Variants in RPS6KA2 observed in about 807,000 individuals in gnomAD.
The protein encoded by RPS6KA2 is ribosomal protein S6 kinase A2, also known as ribosomal protein S6 kinase alpha-2.
A neutral mutation model predicts 91.8 loss-of-function variants in RPS6KA2; 42 were observed. The ratio of observed to expected loss-of-function variants is 0.46; its 90% CI spans 0.36 to 0.59. The LOEUF (loss-of-function observed/expected upper bound fraction) is 0.59. Ranked by LOEUF, RPS6KA2 falls within the 20% of genes least tolerant of loss-of-function variation. The pLI is 0.00. For synonymous variants in RPS6KA2, 414 were observed against 393.6 expected (o/e 1.05, Z -0.61); for missense variants, 798 against 978.5 (o/e 0.82, Z 2.46).
chr6:166,715,633 C>T (rs1387791975), intron 2 of RPS6KA2, among the ~76,000 whole-genome samples: 1 of 151,016 alleles, frequency 6.6e-6, no homozygotes, highest in Non-Finnish European at 1.5e-5. Flanking sequence ...AGTGCCCTGG[C>T]ACACACCGAG....
chr6:166,469,689 T>C (rs1382132787), intron 11 of RPS6KA2, 152 bp downstream of exon 11: 13 of 741,512 alleles, frequency 1.8e-5, no homozygotes, highest in Non-Finnish European at 2.9e-5. Context: ...AGCAGGGTCC[T>C]GGGGGCTCCC....
In RPS6KA2 at chr6:166,543,290, C is replaced by T. The variant is rs185030164; in HGVS notation, c.100-4506G>A. ...AGTATCGTGTCCTGGAGGTTCTGAA[C>T]GTATGAATGTTCTATGTTGCCCACC... On this transcript the variant is annotated intron_variant, in intron 1 of 20. Transcript: ENST00000265678. Among the ~76,000 whole-genome samples, 227 of 152,310 alleles carry T rather than the reference C, an allele frequency of 1.5e-3. 2 individuals are homozygous for T. The highest frequency in any genetic ancestry group is 3.1e-3 in the African/African-American group (130 of 41,564).
At chr6:166,710,948 G>A (rs1375761973) in intron 2 of RPS6KA2, among the ~76,000 whole-genome samples, 1 of 152,176 alleles carries the variant, frequency 6.6e-6, no homozygotes, top group East Asian at 1.9e-4. Flanking sequence ...GATGATAACT[G>A]CTCTACTTTA....
intron 10 of RPS6KA2, among the ~76,000 whole-genome samples, chr6:166,476,126 C>T (rs1364005920): frequency 6.6e-6 from 1 of 152,162 alleles, no homozygotes; most frequent in Non-Finnish European, 1.5e-5. Flanking sequence ...GAAATTTGGA[C>T]ACAGACCCAC....
intron 2 of RPS6KA2, among the ~76,000 whole-genome samples, chr6:166,653,532 C>G (rs1022105366): frequency 1.2e-4 from 18 of 152,192 alleles, no homozygotes; most frequent in African/African-American, 4.1e-4. Flanking sequence ...ATCACCTTCT[C>G]TTCCCAGAAA....
exon 1 of RPS6KA2, chr6:166,862,301 G>A (rs1212970168): frequency 1.3e-6 from 2 of 1,560,668 alleles, no homozygotes; most frequent in South Asian, 2.3e-5. Context: ...GGCGGGTGGC[G>A]GCGATGGAGA....
intron 1 of RPS6KA2, among the ~76,000 whole-genome samples, chr6:166,602,362 G>A (rs373958812): frequency 7.2e-5 from 11 of 152,294 alleles, no homozygotes; most frequent in African/African-American, 1.9e-4. Flanking sequence ...GTATATACCC[G>A]AGAGAACCTC....
At chr6:166,631,980 C>T (rs1285465401), upstream of RPS6KA2, among the ~76,000 whole-genome samples, 1 of 152,142 alleles carries the variant, frequency 6.6e-6, no homozygotes. Flanking sequence ...GTGGGGACAG[C>T]GCTCCTCTCC....
intron 11 of RPS6KA2, among the ~76,000 whole-genome samples, chr6:166,460,001 G>A (rs1332452457): frequency 6.6e-6 from 1 of 152,202 alleles, no homozygotes; most frequent in Non-Finnish European, 1.5e-5. Flanking sequence ...CCAGCACCAC[G>A]GAACTTCAGC....
chr6:166,676,451 G>A (rs576711897), intron 2 of RPS6KA2, among the ~76,000 whole-genome samples: 46 of 152,258 alleles, frequency 3.0e-4, no homozygotes, highest in South Asian at 2.5e-3. Flanking sequence ...CTCCGGAAGC[G>A]CAAGTCCACC....
chr6:166,746,922 G>A (rs1791031371), intron 2 of RPS6KA2, among the ~76,000 whole-genome samples: 2 of 152,230 alleles, frequency 1.3e-5, no homozygotes, highest in South Asian at 4.1e-4. Context: ...GATATTACAG[G>A]ACACAGATGG....
intron 1 of RPS6KA2, among the ~76,000 whole-genome samples, chr6:166,860,794 T>A (rs905771409): frequency 6.6e-6 from 1 of 152,174 alleles, no homozygotes; most frequent in Non-Finnish European, 1.5e-5. Flanking sequence ...ATTCAATATT[T>A]AGAAAAATTG....
In RPS6KA2 at chr6:166,493,077, G is replaced by A. The variant is rs1261227542; in HGVS notation, c.748-2336C>T. 1.3e-5 allele frequency among the ~76,000 whole-genome samples: 2 copies of A among 151,870 alleles called. No homozygotes were observed. Among genetic ancestry groups the A allele is most frequent in the African/African-American group, 4.8e-5 (2 of 41,336 alleles). On this transcript the variant is annotated intron_variant, in intron 8 of 20. Transcript: ENST00000265678. This position sits in a 1 kb window ranked among gnomAD's most constrained non-coding sequence, Gnocchi z 4.7. ...TTGAAGATGATTCCCTTGTGATCAGGGTCCACTGCTTTGTGGTTCTCTCTC... is the reference window on the plus strand; with the variant it reads ...TTGAAGATGATTCCCTTGTGATCAGAGTCCACTGCTTTGTGGTTCTCTCTC...
At chr6:166,466,439 C>T (rs1038313090) in intron 11 of RPS6KA2, among the ~76,000 whole-genome samples, 1 of 152,242 alleles carries the variant, frequency 6.6e-6, no homozygotes, top group Non-Finnish European at 1.5e-5. Flanking sequence ...TTTGGAGTGG[C>T]TCCACTCTTG....
At chr6:166,802,103 C>T (rs934198557) in intron 2 of RPS6KA2, among the ~76,000 whole-genome samples, 1 of 151,784 alleles carries the variant, frequency 6.6e-6, no homozygotes, top group Non-Finnish European at 1.5e-5. Context: ...TAAAAATACA[C>T]ACACACACAC....
At chr6:166,742,620 T>A (rs578169569) in intron 2 of RPS6KA2, among the ~76,000 whole-genome samples, 2 of 152,172 alleles carry the variant, frequency 1.3e-5, no homozygotes, top group African/African-American at 4.8e-5. Context: ...AGGTCCTTCA[T>A]CCGCCTCTCA....
intron 1 of RPS6KA2, among the ~76,000 whole-genome samples, chr6:166,541,741 C>G (rs1021299999): frequency 6.6e-6 from 1 of 152,166 alleles, no homozygotes; most frequent in African/African-American, 2.4e-5. Flanking sequence ...TGTAACGTTT[C>G]GAATCAAAGC....
chr6:166,484,717 G>A (rs1781347895), intron 10 of RPS6KA2, among the ~76,000 whole-genome samples: 1 of 152,232 alleles, frequency 6.6e-6, no homozygotes, highest in Non-Finnish European at 1.5e-5. Flanking sequence ...TAGTTCAGCT[G>A]CCAGTGTCTA....
rs1157285591 is a variant in RPS6KA2 at position 166,821,620 on chromosome 6, A to T, written c.123+36580T>A. 6.6e-6 allele frequency among the ~76,000 whole-genome samples: 1 copy of T among 151,524 alleles called. No individual in the cohort carries two copies. Among genetic ancestry groups the T allele is most frequent in the Non-Finnish European group, 1.5e-5 (1 of 67,876 alleles). On this transcript the variant is annotated intron_variant, in intron 2 of 21. Coordinates refer to the RPS6KA2 transcript ENST00000503859. This position sits in a 1 kb window ranked among gnomAD's most constrained non-coding sequence, Gnocchi z 4.1. ...CGCTCCCCTGGGTTTCCTCCCCCTCACTTATTCCCTTTCACTATTGCTGTG... is the reference window on the plus strand; with the variant it reads ...CGCTCCCCTGGGTTTCCTCCCCCTCTCTTATTCCCTTTCACTATTGCTGTG...
Sources: gnomAD v4.1 joint callset for allele counts (sites outside exome capture counted in the v4.1 genomes callset) on GRCh38, gnomAD v4.1.1 for gene constraint, Gnocchi (gnomAD v3.1) non-coding constraint, MANE v1.5 for transcripts, NCBI Gene and HGNC (gene_info 2026-07-23, HGNC 2026-07-21) for gene names.